CLVS1: variants seen among roughly 807,000 people sequenced by gnomAD.
CLVS1 encodes clavesin 1, also known as clavesin-1.
A neutral mutation model predicts 33.1 loss-of-function variants in CLVS1; 10 were observed. The ratio of observed to expected loss-of-function variants is 0.30; its 90% CI spans 0.19 to 0.51. The LOEUF (loss-of-function observed/expected upper bound fraction) is 0.51. Among genes scored for constraint, CLVS1 ranks in the 20% least tolerant of loss-of-function variants. The probability of loss-of-function intolerance (pLI) is 0.97; values close to 1 mark genes in which losing one functional copy is unlikely to be tolerated. For synonymous variants in CLVS1, 163 were observed against 166.1 expected (o/e 0.98, Z 0.14); for missense variants, 343 against 433.4 (o/e 0.79, Z 1.85).
At chr8:61,376,577 A>G in intron 2 of CLVS1, 28 bp from the exon 3 acceptor site, 1 of 1,604,464 alleles carries the variant, frequency 6.2e-7, no homozygotes, top group Non-Finnish European at 8.5e-7. Flanking sequence ...ATATTCACAC[A>G]CAGCTCTCCT....
intron 5 of CLVS1, among the ~76,000 whole-genome samples, chr8:61,459,682 A>G (rs1037910638): frequency 6.6e-6 from 1 of 152,036 alleles, no homozygotes. Flanking sequence ...AATGGTAACC[A>G]CTGTAGAGGT....
chr8:61,124,575 C>T (rs557919305), intron 1 of CLVS1, among the ~76,000 whole-genome samples: 1 of 152,182 alleles, frequency 6.6e-6, no homozygotes, highest in Non-Finnish European at 1.5e-5. Flanking sequence ...AATGTATTAT[C>T]GTTGTTCCTT....
upstream of CLVS1, among the ~76,000 whole-genome samples, chr8:61,056,291 T>G (rs939984756): frequency 6.6e-6 from 1 of 152,182 alleles, no homozygotes; most frequent in Middle Eastern, 3.2e-3. Context: ...CGGAGTAAAT[T>G]TGGTTAATTT....
At chr8:61,088,083 T>C (rs891159762) in intron 1 of CLVS1, among the ~76,000 whole-genome samples, 3 of 152,244 alleles carry the variant, frequency 2.0e-5, no homozygotes, top group Non-Finnish European at 4.4e-5. Flanking sequence ...TCAAACTATA[T>C]GTATGCATTT....
intron 3 of CLVS1, among the ~76,000 whole-genome samples, chr8:61,418,737 T>G (rs1815539581): frequency 6.6e-6 from 1 of 152,180 alleles, no homozygotes; most frequent in Non-Finnish European, 1.5e-5. Flanking sequence ...GATGATCAGG[T>G]AGCTTGGAAT....
chr8:61,085,932 A>G (rs916951478), intron 1 of CLVS1, among the ~76,000 whole-genome samples: 2 of 150,126 alleles, frequency 1.3e-5, no homozygotes, highest in Non-Finnish European at 3.0e-5. Flanking sequence ...GCTGCTCGGG[A>G]GGCTGATGCA....
intron 3 of CLVS1, among the ~76,000 whole-genome samples, chr8:61,419,771 C>T (rs976401952): frequency 6.6e-6 from 1 of 152,198 alleles, no homozygotes; most frequent in Non-Finnish European, 1.5e-5. Flanking sequence ...CCTGGCATAG[C>T]GTCCTGATTC....
intron 2 of CLVS1, among the ~76,000 whole-genome samples, chr8:61,137,924 G>GTT (rs1282695775): frequency 6.6e-6 from 1 of 152,110 alleles, no homozygotes; most frequent in Non-Finnish European, 1.5e-5. Context: ...TCATGGATGC[G>GTT]TTCTCTCCTG....
intron 1 of CLVS1, among the ~76,000 whole-genome samples, chr8:61,104,375 T>C (rs367877245): frequency 2.0e-5 from 3 of 152,080 alleles, no homozygotes; most frequent in African/African-American, 7.3e-5. Context: ...GATATATAGG[T>C]AGCGTGTATG....
At chr8:61,121,762 A>C (rs1382489534) in intron 1 of CLVS1, among the ~76,000 whole-genome samples, 6 of 152,054 alleles carry the variant, frequency 3.9e-5, no homozygotes, top group Non-Finnish European at 5.9e-5. Context: ...AAACACACCC[A>C]CACACACACA....
At chr8:61,248,681 G>A (rs1427900584) in intron 2 of CLVS1, among the ~76,000 whole-genome samples, 1 of 151,796 alleles carries the variant, frequency 6.6e-6, no homozygotes, top group Non-Finnish European at 1.5e-5. Context: ...TACAATGTAA[G>A]TTATATTTTA....
At chr8:61,448,371 T>A (rs1401084380) in intron 3 of CLVS1, among the ~76,000 whole-genome samples, 1 of 152,148 alleles carries the variant, frequency 6.6e-6, no homozygotes, top group African/African-American at 2.4e-5. Flanking sequence ...AGGACTCCAA[T>A]GACACAAATT....
intron 5 of CLVS1, among the ~76,000 whole-genome samples, chr8:61,467,796 A>G (rs1054749423): frequency 1.3e-5 from 2 of 152,156 alleles, no homozygotes; most frequent in Admixed American, 1.3e-4. Context: ...TTCTCCACAA[A>G]AAGTTTATAT....
intron 1 of CLVS1, among the ~76,000 whole-genome samples, chr8:61,130,604 T>G (rs1360038157): frequency 6.6e-6 from 1 of 152,216 alleles, no homozygotes; most frequent in Non-Finnish European, 1.5e-5. Context: ...TTGTTTTGCT[T>G]TGTTTTGTTT....
rs569669379 is a variant in CLVS1, at chr8:61,139,756, T to TG, written c.-152+7903dup. 2.6e-5 allele frequency among the ~76,000 whole-genome samples: 4 copies of TG among 151,924 alleles called. No homozygotes were observed. In the East Asian group the frequency reaches 7.8e-4, roughly 29 times the overall value. On this transcript the variant is annotated intron_variant, in intron 2 of 2. Transcript: ENST00000522621. ...CGTCGGTTCTGTTTATCAGGAGGGC[T>TG]GGGGGGGATGTTTGGAGTTTTCTTT...
chr8:61,412,843 A>G lies in CLVS1; in HGVS notation c.630+36064A>G, dbSNP rs142197393. ...GCTAATGAGTCAAGAACTGGTATTA[A>G]GAAGCTCTAAATTTGTTAGCTTTTC... On this transcript the variant is annotated intron_variant, in intron 3 of 5. Coordinates refer to ENST00000325897, the MANE Select transcript of CLVS1 (RefSeq NM_173519.3). 2.3e-3 allele frequency among the ~76,000 whole-genome samples: 355 copies of G among 152,350 alleles called. 3 individuals are homozygous for G. Among genetic ancestry groups the G allele is most frequent in the African/African-American group, 7.7e-3 (321 of 41,582 alleles).
chr8:61,425,798 G>A (rs1325828903), intron 3 of CLVS1, among the ~76,000 whole-genome samples: 1 of 152,180 alleles, frequency 6.6e-6, no homozygotes, highest in East Asian at 1.9e-4. Flanking sequence ...GGGCATAAAA[G>A]TGAGGGAGAG....
intron 2 of CLVS1, among the ~76,000 whole-genome samples, chr8:61,365,080 A>G (rs1006920019): frequency 1.3e-5 from 2 of 152,204 alleles, no homozygotes; most frequent in African/African-American, 4.8e-5. Context: ...GCAATGTAGT[A>G]CCAAAGGATA....
chr8:61,275,083 AATT>A (rs1480037482), intron 2 of CLVS1, among the ~76,000 whole-genome samples: 1 of 152,190 alleles, frequency 6.6e-6, no homozygotes, highest in Non-Finnish European at 1.5e-5. Context: ...AAAGGCTATA[AATT>A]ATTATAATTG....
Sources: gnomAD v4.1 joint callset for allele counts (sites outside exome capture counted in the v4.1 genomes callset) on GRCh38, gnomAD v4.1.1 for gene constraint, MANE v1.5 for transcripts, NCBI Gene and HGNC (gene_info 2026-07-23, HGNC 2026-07-21) for gene names.